Variants in SPDYE14 observed in about 807,000 individuals in gnomAD.
The protein encoded by SPDYE14 is speedy/RINGO cell cycle regulator family member E14, also known as speedy protein E14.
chr7:75,275,006 A>G, the SPDYE14 span, among the ~76,000 whole-genome samples: 533 of 61,560 alleles, frequency 8.7e-3, 80 homozygotes, highest in African/African-American at 0.019. Flanking sequence ...CCCTACTGGG[A>G]AGTGAGGAGC....
the SPDYE14 span, among the ~76,000 whole-genome samples, chr7:75,275,539 G>A: frequency 2.6e-4 from 12 of 45,916 alleles, 3 homozygotes; most frequent in African/African-American, 6.1e-4. Flanking sequence ...CAGCATGCTC[G>A]TTAAGAGTCA....
At chr7:75,262,369 G>T in the SPDYE14 span, among the ~76,000 whole-genome samples, 2 of 65,702 alleles carry the variant, frequency 3.0e-5, no homozygotes, top group Non-Finnish European at 6.8e-5. Flanking sequence ...ATGGTTAGTT[G>T]ATTTTTTTTT....
chr7:75,275,834 A>G, the SPDYE14 span, among the ~76,000 whole-genome samples: 21 of 41,882 alleles, frequency 5.0e-4, 7 homozygotes, highest in African/African-American at 1.1e-3. Context: ...GATTTTGCCA[A>G]TGTGCTCCAA....
the SPDYE14 span, among the ~76,000 whole-genome samples, chr7:75,240,729 A>G: frequency 2.6e-4 from 13 of 50,046 alleles, no homozygotes; most frequent in African/African-American, 7.0e-4. Flanking sequence ...GCATTTTTCA[A>G]TCTGCAGACT....
At chr7:75,257,803 A>AC in the SPDYE14 span, among the ~76,000 whole-genome samples, 1 of 21,642 alleles carries the variant, frequency 4.6e-5, no homozygotes, top group Non-Finnish European at 1.1e-4. Context: ...CCCTTTCAGC[A>AC]TTTTTTTTTC....
the SPDYE14 span, among the ~76,000 whole-genome samples, chr7:75,265,313 T>C: frequency 1.1e-5 from 1 of 91,548 alleles, no homozygotes; most frequent in African/African-American, 4.0e-5. Flanking sequence ...TTCATGATGT[T>C]GGTCAGGATA....
chr7:75,272,702 C>T, the SPDYE14 span, among the ~76,000 whole-genome samples: 3 of 56,902 alleles, frequency 5.3e-5, 1 homozygote, highest in African/African-American at 1.3e-4. Context: ...GCCTGGACCA[C>T]ATGGTGAAAC....
the SPDYE14 span, among the ~76,000 whole-genome samples, chr7:75,244,901 C>T: frequency 1.7e-5 from 1 of 58,696 alleles, no homozygotes; most frequent in African/African-American, 4.4e-5. Context: ...TGAGACCAGC[C>T]TGGTCCATGT....
At chr7:75,264,637 CTT>C in the SPDYE14 span, among the ~76,000 whole-genome samples, 1 of 34,598 alleles carries the variant, frequency 2.9e-5, no homozygotes, top group African/African-American at 6.8e-5. Flanking sequence ...GTTTTTTTCT[CTT>C]GTTTTAAACA....
At chr7:75,241,690 TATA>T in the SPDYE14 span, among the ~76,000 whole-genome samples, 1 of 25,486 alleles carries the variant, frequency 3.9e-5, no homozygotes, top group African/African-American at 9.3e-5. Context: ...AATATATATA[TATA>T]TATTTTTTTT....
the SPDYE14 span, among the ~76,000 whole-genome samples, chr7:75,241,691 A>AT: frequency 3.9e-5 from 1 of 25,482 alleles, no homozygotes; most frequent in African/African-American, 9.5e-5. Flanking sequence ...ATATATATAT[A>AT]TATATTTTTT....
the SPDYE14 span, among the ~76,000 whole-genome samples, chr7:75,239,343 C>T: frequency 8.8e-5 from 1 of 11,410 alleles, no homozygotes; most frequent in Non-Finnish European, 1.9e-4. Flanking sequence ...TGCTCCATCA[C>T]CCAGGCTGAA....
At chr7:75,247,793 A>G in the SPDYE14 span, among the ~76,000 whole-genome samples, 28 of 17,764 alleles carry the variant, frequency 1.6e-3, no homozygotes, top group South Asian at 0.021. Context: ...CATGTTGGCC[A>G]GGCTGGTCTG....
chr7:75,247,494 A>T, the SPDYE14 span, among the ~76,000 whole-genome samples: 1 of 121,524 alleles, frequency 8.2e-6, no homozygotes, highest in Admixed American at 8.8e-5. Flanking sequence ...AGAAAGAAAG[A>T]AAGAAAGAAA....
chr7:75,256,897 G>A, the SPDYE14 span, among the ~76,000 whole-genome samples: 2 of 10,494 alleles, frequency 1.9e-4, no homozygotes, highest in African/African-American at 4.6e-4. Flanking sequence ...GGCCGAGGTG[G>A]GGGGATCACG....
the SPDYE14 span, among the ~76,000 whole-genome samples, chr7:75,238,581 GTGAT>G: frequency 3.9e-5 from 1 of 25,384 alleles, no homozygotes; most frequent in African/African-American, 6.9e-5. Context: ...CTGGGTTAAA[GTGAT>G]TGGTGCTTCC....
At chr7:75,258,240 A>G in the SPDYE14 span, among the ~76,000 whole-genome samples, 1 of 56,592 alleles carries the variant, frequency 1.8e-5, no homozygotes, top group Non-Finnish European at 4.4e-5. Context: ...CTGGTGTGCT[A>G]CACCCATTAA....
chr7:75,279,688 C>A, the SPDYE14 span, among the ~76,000 whole-genome samples: 1 of 52,836 alleles, frequency 1.9e-5, no homozygotes, highest in African/African-American at 4.9e-5. Context: ...GTGATCCACC[C>A]TCCTTGGCCT....
At chr7:75,241,695 A>ATTTT in the SPDYE14 span, among the ~76,000 whole-genome samples, 372 of 15,500 alleles carry the variant, frequency 0.024, 52 homozygotes, top group Non-Finnish European at 0.039. Context: ...ATATATATAT[A>ATTTT]TTTTTTTTTT....
Sources: allele counts gnomAD v4.1 joint callset (sites outside exome capture counted in the v4.1 genomes callset), GRCh38; gene constraint gnomAD v4.1.1; transcripts MANE v1.5; gene names NCBI Gene and HGNC (gene_info 2026-07-23, HGNC 2026-07-21).